Variants in ANXA6 observed in about 807,000 individuals in gnomAD.
The protein encoded by ANXA6 is 67 kDa calelectrin.
A neutral mutation model predicts 95.4 loss-of-function variants in ANXA6; 71 were observed. The ratio of observed to expected loss-of-function variants is 0.74; its 90% CI spans 0.61 to 0.91. The LOEUF (loss-of-function observed/expected upper bound fraction) is 0.91. Ranked by LOEUF, ANXA6 falls within the 40% of genes least tolerant of loss-of-function variation. The pLI is 0.00. For synonymous variants in ANXA6, 289 were observed against 315.9 expected, an observed-to-expected ratio of 0.91 and a Z score of 0.90; for missense variants, 830 against 876.4, an observed-to-expected ratio of 0.95 and a Z score of 0.67.
Position 151,117,793 on chromosome 5 carries a change from C to A in ANXA6, c.1483G>T (p.Gly495Cys), listed in dbSNP as rs1765045291. 1 of 1,613,734 alleles carries A rather than the reference C, an allele frequency of 6.2e-7. No individual in the cohort carries two copies. Among genetic ancestry groups the A allele is most frequent in the South Asian group, 1.1e-5 (1 of 91,050 alleles). ...GAAATGAGGATCCTCCTGAAGTGGC[C>A]AGATGTGTCTGAGCTCAGAGCATCC... is the stretch of plus-strand genomic sequence containing the variant. ...LEDALSSDTS[G>C]HFRRILISLA... The change falls in exon 19 of 26, where the codon GGC becomes TGC. Residue 495 changes from glycine (G) to cysteine (C), a missense_variant. Coordinates refer to ENST00000354546, the MANE Select transcript of ANXA6 (RefSeq NM_001155.5).
chr5:151,149,201 AAGAC>A (rs1766046212), intron 1 of ANXA6, among the ~76,000 whole-genome samples: 1 of 150,744 alleles, frequency 6.6e-6, no homozygotes, highest in Non-Finnish European at 1.5e-5. Flanking sequence ...AAAAAAAAAA[AAGAC>A]AGGAACACAC....
At chr5:151,120,274 G>A (rs1355689120) in intron 17 of ANXA6, among the ~76,000 whole-genome samples, 1 of 152,138 alleles carries the variant, frequency 6.6e-6, no homozygotes, top group Non-Finnish European at 1.5e-5. Flanking sequence ...GGGAAGCAGG[G>A]AAACTATCAG....
At chr5:151,157,432 G>A (rs1582026428) in intron 1 of ANXA6, among the ~76,000 whole-genome samples, 1 of 152,056 alleles carries the variant, frequency 6.6e-6, no homozygotes, top group African/African-American at 2.4e-5. Context: ...GCAGCAACGG[G>A]ACTCCCTCCC....
At chr5:151,119,683 T>C (rs900801001) in intron 17 of ANXA6, among the ~76,000 whole-genome samples, 3 of 152,242 alleles carry the variant, frequency 2.0e-5, no homozygotes. Context: ...AATAGAAATT[T>C]CTACTTGTAA....
chr5:151,117,046 G>T, intron 20 of ANXA6, 81 bp downstream of exon 20: 3 of 1,339,458 alleles, frequency 2.2e-6, no homozygotes, highest in Non-Finnish European at 3.0e-6. Flanking sequence ...CACAGACAGG[G>T]CCCGGCGTAG....
intron 21 of ANXA6, among the ~76,000 whole-genome samples, chr5:151,110,230 G>T (rs1346317451): frequency 6.6e-6 from 1 of 152,256 alleles, no homozygotes; most frequent in Non-Finnish European, 1.5e-5. Context: ...ATGCAGAGAA[G>T]ATGGCCTGGC....
At chr5:151,144,275 G>A (rs1286898585) in intron 2 of ANXA6, among the ~76,000 whole-genome samples, 2 of 152,198 alleles carry the variant, frequency 1.3e-5, no homozygotes, top group Non-Finnish European at 1.5e-5. Context: ...GTTGAGCCAT[G>A]TAACTTGCCT....
chr5:151,111,542 T>C (rs1764849637), intron 20 of ANXA6, among the ~76,000 whole-genome samples: 1 of 152,242 alleles, frequency 6.6e-6, no homozygotes, highest in African/African-American at 2.4e-5. Flanking sequence ...CCTACAGGTA[T>C]ACTGGCAAAA....
At chr5:151,103,807 G>T in intron 24 of ANXA6, 115 bp from the exon 25 acceptor site, 1 of 1,276,626 alleles carries the variant, frequency 7.8e-7, no homozygotes, top group Middle Eastern at 2.8e-4. Flanking sequence ...AAAACAGGGC[G>T]GATGTTCCAC....
intron 25 of ANXA6, among the ~76,000 whole-genome samples, chr5:151,102,125 A>G (rs2113886239): frequency 6.6e-6 from 1 of 152,336 alleles, no homozygotes; most frequent in South Asian, 2.1e-4. Flanking sequence ...GGGGAGGCCA[A>G]ACTTCCTGAC....
At chr5:151,146,761 A>G (rs1250829689) in intron 2 of ANXA6, among the ~76,000 whole-genome samples, 4 of 152,152 alleles carry the variant, frequency 2.6e-5, no homozygotes, top group Admixed American at 2.6e-4. Flanking sequence ...GCCAACAGAC[A>G]GCACCCTCAG....
At chr5:151,122,060 T>G (rs988207817) in intron 17 of ANXA6, 87 bp downstream of exon 17, 5 of 773,032 alleles carry the variant, frequency 6.5e-6, no homozygotes, top group Middle Eastern at 3.2e-4. Context: ...TACCAAGAAG[T>G]TACAGCTAAT....
In ANXA6 at chr5:151,129,452, C is replaced by A. The variant is rs939402202; in HGVS notation, c.873G>T (p.Glu291Asp). Residue 291 changes from glutamate (E) to aspartate (D), a missense_variant, in exon 12 of 26, where the codon GAG becomes GAT. Glu to Asp is a conservative substitution (Grantham distance 45). Coordinates refer to ENST00000354546, the MANE Select transcript of ANXA6 (RefSeq NM_001155.5). ...RSELDMLDIR[E>D]IFRTKYEKSL... ...ACTTCTCATACTTGGTCCGGAAGAT[C>A]TCCCGAATGTCGAGCATGTCCAACT... 3 of 1,613,460 alleles carry A rather than the reference C, an allele frequency of 1.9e-6. No individual in the cohort carries two copies. The highest frequency in any genetic ancestry group is 8.5e-7 in the Non-Finnish European group (1 of 1,179,834).
chr5:151,120,235 G>C (rs751337799), intron 17 of ANXA6, among the ~76,000 whole-genome samples: 1 of 152,062 alleles, frequency 6.6e-6, no homozygotes, highest in African/African-American at 2.4e-5. Context: ...AGGCAGGCTG[G>C]GGACCTGTCA....
At chr5:151,139,331 G>T in intron 4 of ANXA6, 22 bp downstream of exon 4, 8 of 1,561,646 alleles carry the variant, frequency 5.1e-6, no homozygotes, top group Non-Finnish European at 7.0e-6. Flanking sequence ...CACCCCATGG[G>T]CCCTCCGGTT....
rs199837151 is a variant in ANXA6, at chr5:151,132,479, C to T, written c.733G>A (p.Val245Ile). Residue 245 changes from valine (V) to isoleucine (I), a missense_variant, in exon 10 of 26, where the codon GTA becomes ATA. By Grantham distance (29) the Val-to-Ile change is conservative (BLOSUM62 3). Coordinates refer to ENST00000354546, the MANE Select transcript of ANXA6 (RefSeq NM_001155.5). ...GGAATGCAACGTCAGGACATACCTA[C>T]GGCCAGCATTAGCTTCTCAAAGTCC... Reference protein sequence around the residue: ...SGDFEKLMLAVVKCIRSTPEY... With the variant: ...SGDFEKLMLAIVKCIRSTPEY... The T allele has an allele frequency of 6.2e-4, 1,001 of 1,610,818 alleles. 1 individual carries two copies. The highest frequency in any genetic ancestry group is 8.1e-4 in the Non-Finnish European group (955 of 1,178,532).
At position 151,117,767 on chromosome 5, in the gene ANXA6, A is replaced by G. The variant is rs780200822; in HGVS notation, c.1509T>C (p.Ser503=). The G allele has an allele frequency of 1.9e-6, 3 of 1,613,572 alleles. No individual in the cohort carries two copies. In the South Asian group the frequency reaches 3.3e-5, roughly 18 times the overall value. ...CCATGAATTCACTCACCGTGGCCAG[A>G]GAAATGAGGATCCTCCTGAAGTGGC... ...TSGHFRRILI[S]LATGHREEGG... is the part of the protein sequence containing the mutation. Residue 503 remains serine, a synonymous_variant, in exon 19 of 26, where the codon TCT becomes TCC. Transcript: ENST00000354546.
rs1054389 is a variant in ANXA6 at position 151,101,341 on chromosome 5, C to G, written c.*107G>C. The stretch of plus-strand genomic sequence containing the variant: ...AAGAGCCCAACCCAACCCCTCCCCC[C>G]ACCCCTGCCCCTTCCTTAGTCTCTG... On this transcript the variant is annotated 3_prime_UTR_variant, in exon 26 of 26. Transcript: ENST00000354546. The G allele has an allele frequency of 6.3e-5, 24 of 378,764 alleles. No individual in the cohort carries two copies. The highest frequency in any genetic ancestry group is 1.6e-3 in the Middle Eastern group (2 of 1,268). The allele number at this position is 378,764 out of a possible 1,614,324, so 23.5% of individuals were successfully genotyped here. A position where few individuals can be genotyped will look rare whatever the true frequency, so the allele number is the denominator to read the frequency against.
intron 11 of ANXA6, among the ~76,000 whole-genome samples, chr5:151,130,801 C>T (rs1245371578): frequency 3.9e-5 from 6 of 152,198 alleles, no homozygotes; most frequent in Non-Finnish European, 7.3e-5. Flanking sequence ...TTTCTTTGTG[C>T]GTCATATGTG....
Sources: allele counts gnomAD v4.1 joint callset (sites outside exome capture counted in the v4.1 genomes callset), GRCh38; gene constraint gnomAD v4.1.1; transcripts MANE v1.5; gene names NCBI Gene and HGNC (gene_info 2026-07-23, HGNC 2026-07-21).